PDE4D: variants seen among roughly 807,000 people sequenced by gnomAD.
The protein encoded by PDE4D is 3',5'-cyclic-AMP phosphodiesterase 4D.
Under a neutral mutation model 87.4 loss-of-function variants are expected in PDE4D, and 24 were observed. The ratio of observed to expected loss-of-function variants is 0.27; its 90% CI spans 0.20 to 0.39. The LOEUF (loss-of-function observed/expected upper bound fraction) is 0.39, where lower values mean the gene tolerates loss of function less well. PDE4D is among the 10% of genes least tolerant of loss of function. The probability of loss-of-function intolerance (pLI) is 1.00; values close to 1 mark genes in which losing one functional copy is unlikely to be tolerated. For synonymous variants in PDE4D, 384 were observed against 383.2 expected (o/e 1.00, Z -0.02); for missense variants, 714 against 1,041.0 (o/e 0.69, Z 4.32).
At chr5:59,702,580 C>T (rs1752741163) in intron 1 of PDE4D, among the ~76,000 whole-genome samples, 1 of 151,830 alleles carries the variant, frequency 6.6e-6, no homozygotes, top group South Asian at 2.1e-4. Flanking sequence ...TTTCCCATGG[C>T]CAGATGCAGT....
intron 1 of PDE4D, among the ~76,000 whole-genome samples, chr5:59,644,269 G>C (rs1043570693): frequency 1.3e-5 from 2 of 152,204 alleles, no homozygotes; most frequent in Non-Finnish European, 2.9e-5. Context: ...TTGGCAGCCA[G>C]CTGAAGAGAT....
At chr5:60,374,934 C>A (rs997112597) in intron 1 of PDE4D, among the ~76,000 whole-genome samples, 2 of 151,936 alleles carry the variant, frequency 1.3e-5, no homozygotes, top group Non-Finnish European at 2.9e-5. Flanking sequence ...TACAGTGCAA[C>A]AAATAAATGC....
intron 1 of PDE4D, among the ~76,000 whole-genome samples, chr5:60,451,242 T>A (rs1396359752): frequency 6.6e-6 from 1 of 152,122 alleles, no homozygotes; most frequent in African/African-American, 2.4e-5. Flanking sequence ...CTTTTTAAAC[T>A]GTTTTTATTG....
At chr5:59,883,945 AACAAGTGAAAT>A (rs1306912171) in intron 1 of PDE4D, among the ~76,000 whole-genome samples, 2 of 152,152 alleles carry the variant, frequency 1.3e-5, no homozygotes, top group Admixed American at 6.5e-5. Flanking sequence ...GGGGGTAAGA[AACAAGTGAAAT>A]ACAAGTGAAA....
intron 5 of PDE4D, among the ~76,000 whole-genome samples, chr5:59,089,188 T>C (rs1423840611): frequency 2.0e-5 from 3 of 152,100 alleles, no homozygotes; most frequent in African/African-American, 7.2e-5. Flanking sequence ...GTTGTTGTTG[T>C]TGTTGTTTTT....
chr5:59,296,854 A>G (rs26686), intron 1 of PDE4D, among the ~76,000 whole-genome samples: 152,173 of 152,262 alleles, frequency 1, 76,043 homozygotes, highest in Non-Finnish European at 1. Flanking sequence ...AAGGTTAGCT[A>G]CCATATGATA....
chr5:59,574,068 ATATT>A (rs1202951787), intron 1 of PDE4D, among the ~76,000 whole-genome samples: 16 of 19,084 alleles, frequency 8.4e-4, no homozygotes, highest in African/African-American at 2.3e-3. Context: ...AAAAATATAT[ATATT>A]TATATATATA....
intron 2 of PDE4D, among the ~76,000 whole-genome samples, chr5:60,108,417 G>A (rs1239123661): frequency 6.6e-6 from 1 of 152,158 alleles, no homozygotes; most frequent in Non-Finnish European, 1.5e-5. Flanking sequence ...TCAATATCGT[G>A]AAAATGGCCA....
chr5:59,291,738 G>GT (rs57769300), intron 1 of PDE4D, among the ~76,000 whole-genome samples: 24,988 of 125,264 alleles, frequency 0.2, 3,517 homozygotes, highest in East Asian at 0.4. Context: ...GTAAAAAGAA[G>GT]TTTTTTTTTT....
At chr5:59,985,155 T>TTTTTTTTTTTTTTTTTTTTTTTC (rs1175344293) in intron 3 of PDE4D, among the ~76,000 whole-genome samples, 1 of 142,406 alleles carries the variant, frequency 7.0e-6, no homozygotes. Context: ...GTTTTTTATT[T>TTTTTTTTTTTTTTTTTTTTTTTC]TGAGACAGAG....
In PDE4D at chr5:60,212,166, A is replaced by T. The variant is rs186615046; in HGVS notation, c.-89-26479T>A. Reference sequence around the variant, plus strand: ...AGTAGCTCTTTGTCATTATATATATATTTTTTTTCTCAAGTAACACATTCT... The same window carrying T: ...AGTAGCTCTTTGTCATTATATATATTTTTTTTTTCTCAAGTAACACATTCT... On this transcript the variant is annotated intron_variant, in intron 1 of 16. Transcript: ENST00000502484. 6.1e-4 allele frequency among the ~76,000 whole-genome samples: 92 copies of T among 151,550 alleles called. 1 individual carries two copies. The highest frequency in any genetic ancestry group is 1.7e-3 in the East Asian group (9 of 5,178).
At chr5:59,641,863 T>C (rs1019481832) in intron 1 of PDE4D, among the ~76,000 whole-genome samples, 4 of 152,236 alleles carry the variant, frequency 2.6e-5, no homozygotes, top group African/African-American at 9.6e-5. Context: ...ACAGATTTCC[T>C]TGTAACTATT....
At chr5:60,092,848 C>T (rs1328695000) in intron 2 of PDE4D, among the ~76,000 whole-genome samples, 1 of 152,178 alleles carries the variant, frequency 6.6e-6, no homozygotes, top group Admixed American at 6.5e-5. Context: ...AGACTTGGGA[C>T]ACTCTTGACT....
chr5:60,365,563 A>T (rs1380118734), intron 1 of PDE4D, among the ~76,000 whole-genome samples: 2 of 152,222 alleles, frequency 1.3e-5, no homozygotes, highest in African/African-American at 4.8e-5. Context: ...AGATAAATAG[A>T]TGGATGGATG....
chr5:59,411,057 C>T (rs1181026129), intron 1 of PDE4D, among the ~76,000 whole-genome samples: 1 of 152,144 alleles, frequency 6.6e-6, no homozygotes, highest in South Asian at 2.1e-4. Context: ...TAAAGTGGCA[C>T]TGGTCTCCTA....
At chr5:59,637,789 A>C (rs562456165) in intron 1 of PDE4D, among the ~76,000 whole-genome samples, 18 of 152,146 alleles carry the variant, frequency 1.2e-4, no homozygotes, top group Non-Finnish European at 2.6e-4. Context: ...ATTCGGAGAA[A>C]TACCTAATGT....
chr5:59,452,542 T>A (rs1212167591), intron 1 of PDE4D, among the ~76,000 whole-genome samples: 9 of 152,134 alleles, frequency 5.9e-5, no homozygotes, highest in Non-Finnish European at 1.5e-5. Flanking sequence ...GGTGAAGCCA[T>A]GGAGGAGACA....
chr5:60,062,971 G>A (rs183463387), intron 2 of PDE4D, among the ~76,000 whole-genome samples: 1 of 151,446 alleles, frequency 6.6e-6, no homozygotes, highest in East Asian at 2.0e-4. Flanking sequence ...ATGCATGCAG[G>A]GCTTAAAACC....
In PDE4D at chr5:59,392,687, C is replaced by T. The variant is rs115499604; in HGVS notation, c.456-176719G>A. Among the ~76,000 whole-genome samples the T allele has an allele frequency of 1.7e-3, 252 of 152,180 alleles. 2 individuals are homozygous for T. Among genetic ancestry groups the T allele is most frequent in the African/African-American group, 5.9e-3 (244 of 41,496 alleles). On this transcript the variant is annotated intron_variant, in intron 1 of 14. Coordinates refer to ENST00000340635, the MANE Select transcript of PDE4D (RefSeq NM_001104631.2). The stretch of plus-strand genomic sequence containing the variant: ...ACAACTGTGAGGAGCTCAGAAGTCA[C>T]TGCGCATGCAGGTGAGGATATATCT...
Sources: allele counts gnomAD v4.1 joint callset (sites outside exome capture counted in the v4.1 genomes callset), GRCh38; gene constraint gnomAD v4.1.1; transcripts MANE v1.5; gene names NCBI Gene and HGNC (gene_info 2026-07-23, HGNC 2026-07-21).